The following GAB3 variants were observed in gnomAD, a reference collection of about 807,000 sequenced individuals.
GAB3 encodes GRB2-associated-binding protein 3.
A neutral mutation model predicts 40.4 loss-of-function variants in GAB3; 12 were observed. That is an observed-to-expected ratio of 0.30 (90% confidence interval 0.19 to 0.48). The LOEUF is 0.48. Among genes scored for constraint, GAB3 ranks in the 20% least tolerant of loss-of-function variants. GAB3 has a pLI of 0.99. For missense variants in GAB3, 381 were observed against 461.9 expected, an observed-to-expected ratio of 0.82 and a Z score of 1.61; for synonymous variants, 154 against 176.7, an observed-to-expected ratio of 0.87 and a Z score of 1.02.
At chrX:154,703,886 TG>T (rs2070771258) in intron 4 of GAB3, among the ~76,000 whole-genome samples, 1 of 111,691 alleles carries the variant, frequency 9.0e-6, no homozygotes, top group African/African-American at 3.3e-5. Flanking sequence ...ATCCCACTGC[TG>T]GGTATATACC....
intron 4 of GAB3, among the ~76,000 whole-genome samples, chrX:154,709,653 G>A (rs1418845200): frequency 9.1e-6 from 1 of 109,520 alleles, no homozygotes; most frequent in East Asian, 2.9e-4. Context: ...TACTGAGAAT[G>A]GACTAATACA....
intron 8 of GAB3, among the ~76,000 whole-genome samples, chrX:154,694,543 C>T (rs1002585782): frequency 9.0e-5 from 10 of 110,714 alleles, no homozygotes; most frequent in Non-Finnish European, 1.5e-4. Flanking sequence ...CCCGCCACCA[C>T]GCCTGGCTAA....
intron 4 of GAB3, among the ~76,000 whole-genome samples, chrX:154,704,125 A>G (rs1192809931): frequency 8.1e-5 from 9 of 111,704 alleles, no homozygotes; most frequent in African/African-American, 2.6e-4. Context: ...TAAGGAGGTT[A>G]AGTGAAAGAA....
chrX:154,718,341 T>A (rs2071077650), intron 1 of GAB3, among the ~76,000 whole-genome samples: 1 of 108,654 alleles, frequency 9.2e-6, no homozygotes, highest in Non-Finnish European at 1.9e-5. Context: ...TTGGGGCAGG[T>A]GAACCCTGGT....
chrX:154,692,080 A>G (rs2070578935), intron 8 of GAB3, among the ~76,000 whole-genome samples: 1 of 112,080 alleles, frequency 8.9e-6, no homozygotes, highest in African/African-American at 3.2e-5. Flanking sequence ...AAAACATAGG[A>G]GAGAATCTTC....
In GAB3 at chrX:154,751,040, C is replaced by A; in HGVS notation, c.-15G>T. 1.3e-6 allele frequency: 1 copy of A among 797,294 alleles called. No individual in the cohort carries two copies. Among genetic ancestry groups the A allele is most frequent in the Non-Finnish European group, 1.5e-6 (1 of 664,616 alleles). 65.7% of individuals were successfully genotyped at this position (797,294 alleles called of 1,213,427 possible). On this transcript the variant is annotated 5_prime_UTR_variant, in exon 1 of 10. Coordinates refer to ENST00000424127, the MANE Select transcript of GAB3 (RefSeq NM_001081573.3). ...CCCGCACTCATCGTGGCCGCCGCCG[C>A]CGCTTCCTCCAGCTGGGCCAGCCGC...
chrX:154,751,289 G>GGT (rs2071613738), upstream of GAB3, among the ~76,000 whole-genome samples: 1 of 91,344 alleles, frequency 1.1e-5, no homozygotes, highest in Admixed American at 1.2e-4. Context: ...GTGCCCGGGG[G>GGT]GGGGGTGTGG....
intron 8 of GAB3, among the ~76,000 whole-genome samples, chrX:154,694,025 C>T (rs1478722872): frequency 9.0e-6 from 1 of 110,598 alleles, no homozygotes; most frequent in African/African-American, 3.3e-5. Context: ...TCAGAACTTG[C>T]CCTTAAAGAG....
intron 9 of GAB3, among the ~76,000 whole-genome samples, chrX:154,678,574 A>C (rs1282159871): frequency 8.9e-6 from 1 of 111,946 alleles, no homozygotes; most frequent in Non-Finnish European, 1.9e-5. Flanking sequence ...AGAGGCTGGG[A>C]TGTGGTTTGG....
chrX:154,679,645 T>G (rs1229239889), intron 9 of GAB3, among the ~76,000 whole-genome samples: 1 of 111,902 alleles, frequency 8.9e-6, no homozygotes, highest in Non-Finnish European at 1.9e-5. Context: ...ACAACAGCCC[T>G]TGACATAAGT....
At chrX:154,687,387 T>G (rs1486603067) in intron 8 of GAB3, among the ~76,000 whole-genome samples, 1 of 109,874 alleles carries the variant, frequency 9.1e-6, no homozygotes, top group African/African-American at 3.3e-5. Flanking sequence ...ATCCCAGCAC[T>G]TTGGGAGGCT....
chrX:154,718,556 C>T (rs913545183), intron 1 of GAB3, among the ~76,000 whole-genome samples: 8 of 111,552 alleles, frequency 7.2e-5, no homozygotes, highest in Non-Finnish European at 1.1e-4. Flanking sequence ...GTTGCAAAAA[C>T]GTGGCACTGG....
chrX:154,708,722 G>A (rs1402903079), intron 4 of GAB3, among the ~76,000 whole-genome samples: 1 of 111,959 alleles, frequency 8.9e-6, no homozygotes, highest in African/African-American at 3.2e-5. Context: ...AAGTGTTGGA[G>A]AGCATGTAGA....
At chrX:154,738,291 C>CAGGA (rs1569558122) in intron 1 of GAB3, among the ~76,000 whole-genome samples, 3 of 112,298 alleles carry the variant, frequency 2.7e-5, no homozygotes, top group Non-Finnish European at 5.6e-5. Context: ...AGTTCTGGTA[C>CAGGA]CAGTTCAGAG....
intron 4 of GAB3, among the ~76,000 whole-genome samples, chrX:154,708,458 G>GAAAATATT (rs2070850879): frequency 8.9e-6 from 1 of 112,072 alleles, no homozygotes; most frequent in Non-Finnish European, 1.9e-5. Context: ...GAGAATGAGA[G>GAAAATATT]AAAATATTTG....
chrX:154,682,972 C>T (rs112566909), intron 8 of GAB3, among the ~76,000 whole-genome samples: 3 of 111,387 alleles, frequency 2.7e-5, no homozygotes, highest in Admixed American at 9.5e-5. Context: ...AGTGAGACTC[C>T]GCCTCACAAA....
chrX:154,730,223 G>C (rs1362477265), intron 1 of GAB3, among the ~76,000 whole-genome samples: 1 of 112,574 alleles, frequency 8.9e-6, no homozygotes, highest in Non-Finnish European at 1.9e-5. Context: ...AAGAAGGAAA[G>C]AGGAATAAGA....
At chrX:154,739,232 T>C (rs1557260921) in intron 1 of GAB3, among the ~76,000 whole-genome samples, 1 of 112,038 alleles carries the variant, frequency 8.9e-6, no homozygotes, top group African/African-American at 3.2e-5. Flanking sequence ...TAACAGAAGC[T>C]GCTTTTACAT....
intron 1 of GAB3, among the ~76,000 whole-genome samples, chrX:154,724,873 G>T (rs1294997098): frequency 9.0e-6 from 1 of 111,654 alleles, no homozygotes; most frequent in Non-Finnish European, 1.9e-5. Context: ...GGCTGAAGTG[G>T]GTCCTATGCA....
Sources: allele counts gnomAD v4.1 joint callset (sites outside exome capture counted in the v4.1 genomes callset), GRCh38; gene constraint gnomAD v4.1.1; transcripts MANE v1.5; gene names NCBI Gene and HGNC (gene_info 2026-07-23, HGNC 2026-07-21).